The following URM1 variants were observed in gnomAD, a reference collection of about 807,000 sequenced individuals.
The protein encoded by URM1 is ubiquitin related modifier 1, also known as ubiquitin-related modifier 1.
In URM1, 11 loss-of-function variants were observed where a neutral mutation model predicts 17.7. The observed-to-expected ratio is 0.62, with a 90% confidence interval of 0.39 to 1.03. The LOEUF is 1.03. Among genes scored for constraint, URM1 ranks in the 50% least tolerant of loss-of-function variants. The probability of loss-of-function intolerance (pLI) is 0.00; values close to 1 mark genes in which losing one functional copy is unlikely to be tolerated. For missense variants in URM1, 128 were observed against 129.2 expected (o/e 0.99, Z 0.04); for synonymous variants, 48 against 50.6 (o/e 0.95, Z 0.22).
At chr9:128,380,548 G>A (rs999421447) in intron 2 of URM1, among the ~76,000 whole-genome samples, 1 of 152,086 alleles carries the variant, frequency 6.6e-6, no homozygotes, top group Non-Finnish European at 1.5e-5. Flanking sequence ...GACCTTGCCT[G>A]GAAGTTTATT....
At chr9:128,378,840 A>G (rs1256738292) in intron 2 of URM1, among the ~76,000 whole-genome samples, 1 of 150,778 alleles carries the variant, frequency 6.6e-6, no homozygotes, top group Non-Finnish European at 1.5e-5. Flanking sequence ...CCAGCTACTC[A>G]GGAGGCTGGG....
rs1352983826 is a variant in URM1, at chr9:128,387,816, G to T, written c.107G>T (p.Trp36Leu). The T allele has an allele frequency of 2.5e-6, 4 of 1,614,016 alleles. No homozygotes were observed. The highest frequency in any genetic ancestry group is 3.4e-6 in the Non-Finnish European group (4 of 1,180,002). The change falls in exon 3 of 5, where the codon TGG becomes TTG. Residue 36 changes from tryptophan (W) to leucine (L), a missense_variant and splice_region_variant. Physicochemically the swap from Trp to Leu is moderately conservative, Grantham distance 61 (BLOSUM62 -2). Coordinates refer to ENST00000372853, the MANE Select transcript of URM1 (RefSeq NM_030914.4). This position sits in a 1 kb window ranked among gnomAD's most constrained non-coding sequence, Gnocchi z 4.3. ...GTTTGTTCTGTGCATTCCTTTCCAG[G>T]GGACATCCGGAACCTGCTCATCTGG... ...RVTLPGQEEP[W>L]DIRNLLIWIK...
chr9:128,388,806 A>C, intron 3 of URM1: 1 of 989,028 alleles, frequency 1.0e-6, no homozygotes, highest in Non-Finnish European at 1.2e-6. Context: ...GCAGAGGCCT[A>C]AAAAAAAGCC....
rs12343929 is a variant in URM1, at chr9:128,377,029, A to G, written c.36-1007A>G. On this transcript the variant is annotated intron_variant, in intron 1 of 4. Transcript: ENST00000372853. ...ATTTCCCGGGTGCCTAATGATAATA[A>G]TAATTACATAGAGACAGGGTCTTGC... Among the ~76,000 whole-genome samples the G allele has an allele frequency of 6.9e-3, 1,045 of 152,232 alleles. 17 individuals are homozygous for G. Among genetic ancestry groups the G allele is most frequent in the African/African-American group, 0.024 (988 of 41,530 alleles).
At chr9:128,376,731 G>C (rs1833083362) in intron 1 of URM1, among the ~76,000 whole-genome samples, 1 of 151,062 alleles carries the variant, frequency 6.6e-6, no homozygotes, top group African/African-American at 2.5e-5. Context: ...TCATGCTTCT[G>C]ATTTCAGCAC....
intron 1 of URM1, among the ~76,000 whole-genome samples, chr9:128,374,824 A>G (rs1184771290): frequency 2.0e-5 from 3 of 152,272 alleles, no homozygotes; most frequent in Admixed American, 1.3e-4. Flanking sequence ...GAGAAGCAGC[A>G]TGGGGCGCTG....
At chr9:128,383,440 G>T (rs2131297118) in intron 2 of URM1, among the ~76,000 whole-genome samples, 1 of 152,228 alleles carries the variant, frequency 6.6e-6, no homozygotes, top group South Asian at 2.1e-4. Flanking sequence ...GCTCTCCGAA[G>T]AGCCGTCTTG....
At position 128,387,740 on chromosome 9, in the gene URM1, G is replaced by A; in HGVS notation, c.107-76G>A. ...CTAAACACCGTGTGTATTTCCTTGT[G>A]GGCCAGGCAAGGCTCTGGGGGTGGG... On this transcript the variant is annotated intron_variant, in intron 2 of 4. Coordinates refer to ENST00000372853, the MANE Select transcript of URM1 (RefSeq NM_030914.4). The surrounding 1 kb of genome is among the most constrained non-coding windows in gnomAD (Gnocchi z 4.3). 2 of 1,602,650 alleles carry A rather than the reference G, an allele frequency of 1.2e-6. No individual in the cohort carries two copies. Among genetic ancestry groups the A allele is most frequent in the South Asian group, 1.1e-5 (1 of 90,222 alleles).
intron 3 of URM1, chr9:128,388,217 T>C (rs1424246621): frequency 6.8e-6 from 8 of 1,170,258 alleles, no homozygotes; most frequent in Non-Finnish European, 8.5e-6. Flanking sequence ...ACACAGAAAG[T>C]GCTGAGGAAA....
intron 1 of URM1, among the ~76,000 whole-genome samples, chr9:128,374,331 GCAC>G (rs1833050243): frequency 6.6e-6 from 1 of 152,166 alleles, no homozygotes; most frequent in African/African-American, 2.4e-5. Context: ...TCTGAGCCTG[GCAC>G]CACCAGGTTT....
intron 1 of URM1, among the ~76,000 whole-genome samples, chr9:128,376,998 A>G (rs1200444121): frequency 6.6e-6 from 1 of 151,964 alleles, no homozygotes; most frequent in Non-Finnish European, 1.5e-5. Context: ...AAATAAATAG[A>G]TAATAATTTC....
At chr9:128,375,585 G>T (rs1216187891) in intron 1 of URM1, among the ~76,000 whole-genome samples, 1 of 151,940 alleles carries the variant, frequency 6.6e-6, no homozygotes, top group East Asian at 1.9e-4. Context: ...TTTGAGATAG[G>T]GTCTCACTGT....
chr9:128,380,943 G>C (rs1833151998), intron 2 of URM1, among the ~76,000 whole-genome samples: 1 of 152,166 alleles, frequency 6.6e-6, no homozygotes, highest in Admixed American at 6.5e-5. Context: ...TCCTGCCTCA[G>C]CCTCCCAAGT....
intron 2 of URM1, among the ~76,000 whole-genome samples, chr9:128,384,104 C>CA (rs1293584241): frequency 6.6e-6 from 1 of 152,200 alleles, no homozygotes; most frequent in East Asian, 1.9e-4. Context: ...CCCTGCTTGT[C>CA]AGAGGATGAC....
intron 2 of URM1, among the ~76,000 whole-genome samples, chr9:128,378,712 T>C (rs1244198267): frequency 3.9e-5 from 6 of 151,954 alleles, no homozygotes; most frequent in African/African-American, 1.5e-4. Context: ...CCCAGCACTT[T>C]GGGGGGCCGA....
rs556671154 is a variant in URM1 at position 128,389,612 on chromosome 9, T to G, written c.238-54T>G. 6.2e-6 allele frequency: 10 copies of G among 1,609,582 alleles called. No individual in the cohort carries two copies. In the East Asian group the frequency reaches 2.2e-4, roughly 36 times the overall value. Reference sequence around the variant, plus strand: ...GCCCCTGTTCTCCCAACTCCTGGGGTGGACCTGGGAAGGTGGCCCTGAGGG... The same window carrying G: ...GCCCCTGTTCTCCCAACTCCTGGGGGGGACCTGGGAAGGTGGCCCTGAGGG... On this transcript the variant is annotated intron_variant, in intron 4 of 4. Coordinates refer to ENST00000372853, the MANE Select transcript of URM1 (RefSeq NM_030914.4).
In URM1 at chr9:128,387,173, A is replaced by G. The variant is rs1451921235; in HGVS notation, c.107-643A>G. 5.9e-5 allele frequency among the ~76,000 whole-genome samples: 9 copies of G among 152,092 alleles called. No homozygotes were observed. The East Asian group carries it at 1.7e-3, about 29-fold the overall frequency. On this transcript the variant is annotated intron_variant, in intron 2 of 4. Transcript: ENST00000372853. The surrounding 1 kb of genome is among the most constrained non-coding windows in gnomAD (Gnocchi z 4.3). ...GAGCTGGAGAGGCCCTGTCACCCGAACCTCTGGCCACCGCTGGCGCGGAGG... is the reference window on the plus strand; with the variant it reads ...GAGCTGGAGAGGCCCTGTCACCCGAGCCTCTGGCCACCGCTGGCGCGGAGG...
At position 128,390,147 on chromosome 9, in the gene URM1, G is replaced by A. The variant is rs1833290552; in HGVS notation, c.*413G>A. On this transcript the variant is annotated 3_prime_UTR_variant, in exon 5 of 5. Coordinates refer to ENST00000372853, the MANE Select transcript of URM1 (RefSeq NM_030914.4). ...GGAAGATGAATGGACCTGAGTAGCT[G>A]AAGGAAGGCCCCTCCCTACCCAAAG... 1 of 207,756 alleles carries A rather than the reference G, an allele frequency of 4.8e-6. No individual in the cohort carries two copies. The allele number at this position is 207,756 out of a possible 1,614,324, so 12.9% of individuals were successfully genotyped here. A position where few individuals can be genotyped will look rare whatever the true frequency, so the allele number is the denominator to read the frequency against.
At chr9:128,378,918 G>T (rs1194447150) in intron 2 of URM1, among the ~76,000 whole-genome samples, 1 of 146,140 alleles carries the variant, frequency 6.8e-6, no homozygotes, top group Non-Finnish European at 1.5e-5. Flanking sequence ...CTGCACTCCA[G>T]CCTGGGTGGC....
Sources: gnomAD v4.1 joint callset for allele counts (sites outside exome capture counted in the v4.1 genomes callset) on GRCh38, gnomAD v4.1.1 for gene constraint, Gnocchi (gnomAD v3.1) non-coding constraint, MANE v1.5 for transcripts, NCBI Gene and HGNC (gene_info 2026-07-23, HGNC 2026-07-21) for gene names.